Variants in SMKR1 observed in about 807,000 individuals in gnomAD.
SMKR1 encodes the protein small lysine-rich protein 1.
A neutral mutation model predicts 4.0 loss-of-function variants in SMKR1; 4 were observed. The ratio of observed to expected loss-of-function variants is 1.00; its 90% confidence interval spans 0.49 to 2.30. The LOEUF (loss-of-function observed/expected upper bound fraction) is 2.30, where lower values mean the gene tolerates loss of function less well. Among genes scored for constraint, SMKR1 ranks in the 30% most tolerant of loss-of-function variants. SMKR1 has a pLI of 0.02. For synonymous variants in SMKR1, 38 were observed against 32.5 expected, an observed-to-expected ratio of 1.17 and a Z score of -0.58; for missense variants, 56 against 81.8, an observed-to-expected ratio of 0.68 and a Z score of 1.22.
intron 1 of SMKR1, among the ~76,000 whole-genome samples, chr7:129,510,446 G>A (rs1205417073): frequency 6.6e-6 from 1 of 152,212 alleles, no homozygotes; most frequent in East Asian, 1.9e-4. Context: ...TAAAGATGAT[G>A]GCACAGGCCG....
At chr7:129,507,878 C>T (rs567525443) in intron 1 of SMKR1, among the ~76,000 whole-genome samples, 55 of 152,188 alleles carry the variant, frequency 3.6e-4, no homozygotes, top group Middle Eastern at 3.4e-3. Flanking sequence ...CTTACTGTGG[C>T]GTTTTGAGAG....
At chr7:129,506,251 G>GC (rs1799464247) in intron 1 of SMKR1, among the ~76,000 whole-genome samples, 1 of 152,206 alleles carries the variant, frequency 6.6e-6, no homozygotes, top group African/African-American at 2.4e-5. Context: ...ACCTGCTTGG[G>GC]CACCATAATG....
chr7:129,508,744 G>A (rs1322492453), intron 1 of SMKR1, among the ~76,000 whole-genome samples: 3 of 152,038 alleles, frequency 2.0e-5, no homozygotes, highest in South Asian at 2.1e-4. Flanking sequence ...GCACACAGCC[G>A]GTTCTTTTTT....
Position 129,512,324 on chromosome 7 carries a change from C to T in SMKR1, c.81C>T (p.Leu27=), listed in dbSNP as rs745637297. ...KKQKKPEVDI[L]SPAAMLNLYY... is the part of the protein sequence containing the mutation. ...AGAAGAAACCAGAAGTGGACATTCT[C>T]AGCCCCGCGGCCATGCTGAACCTCT... Residue 27 remains leucine (L), a synonymous_variant, in exon 2 of 2, where the codon CTC becomes CTT. Coordinates refer to ENST00000462322, the MANE Select transcript of SMKR1 (RefSeq NM_001195243.2). The T allele has an allele frequency of 3.8e-5, 58 of 1,535,854 alleles. No individual in the cohort carries two copies. The South Asian group carries it at 4.8e-4, about 13-fold the overall frequency.
At chr7:129,505,778 T>C (rs1480662138) in intron 1 of SMKR1, among the ~76,000 whole-genome samples, 1 of 152,128 alleles carries the variant, frequency 6.6e-6, no homozygotes, top group Non-Finnish European at 1.5e-5. Context: ...ATGCCCAGCC[T>C]GTCAAGGAGG....
chr7:129,502,951 A>C, intron 1 of SMKR1, 124 bp downstream of exon 1: 1 of 1,390,108 alleles, frequency 7.2e-7, no homozygotes, highest in Non-Finnish European at 9.7e-7. Context: ...ACGCGTGGCG[A>C]AAAGATGGAG....
intron 1 of SMKR1, among the ~76,000 whole-genome samples, chr7:129,508,337 T>G (rs2151028017): frequency 6.6e-6 from 1 of 152,374 alleles, no homozygotes; most frequent in African/African-American, 2.4e-5. Context: ...TTCTGTCCCA[T>G]TGTTCTAGTT....
chr7:129,502,905 C>G, intron 1 of SMKR1, 78 bp downstream of exon 1: 2 of 1,525,500 alleles, frequency 1.3e-6, no homozygotes, highest in Non-Finnish European at 1.8e-6. Flanking sequence ...GAGGCGCGGG[C>G]GCCGAGGTCA....
intron 1 of SMKR1, among the ~76,000 whole-genome samples, chr7:129,508,674 C>T (rs1418554920): frequency 1.3e-5 from 2 of 152,128 alleles, no homozygotes; most frequent in Non-Finnish European, 2.9e-5. Flanking sequence ...AAACTCCTGA[C>T]CTCAGGTGAT....
rs144807800 is a variant in SMKR1, at chr7:129,503,572, C to A, written c.3+745C>A. ...CCCCTTGCGCCTTCCCTGTCTTGAT[C>A]CGTTTTCTTTGAGGCTTGGATCAGA... On this transcript the variant is annotated intron_variant, in intron 1 of 1. Coordinates refer to ENST00000462322, the MANE Select transcript of SMKR1 (RefSeq NM_001195243.2). Among the ~76,000 whole-genome samples, 1,289 of 152,318 alleles carry A rather than the reference C, an allele frequency of 8.5e-3. 13 individuals carry two copies. The highest frequency in any genetic ancestry group is 0.02 in the Admixed American group (309 of 15,294).
At position 129,509,137 on chromosome 7, in the gene SMKR1, A is replaced by G. The variant is rs545201565; in HGVS notation, c.4-3110A>G. 4.0e-5 allele frequency among the ~76,000 whole-genome samples: 6 copies of G among 151,656 alleles called. No individual in the cohort carries two copies. In the East Asian group the frequency reaches 1.2e-3, roughly 30 times the overall value. On this transcript the variant is annotated intron_variant, in intron 1 of 1. Coordinates refer to ENST00000462322, the MANE Select transcript of SMKR1 (RefSeq NM_001195243.2). ...AGACCAGCCTGGCCAACATGGCGAA[A>G]CCCCGTCTCTACTAAAAATACAAAA...
intron 1 of SMKR1, among the ~76,000 whole-genome samples, chr7:129,509,454 A>G (rs947667947): frequency 1.3e-5 from 2 of 152,226 alleles, no homozygotes; most frequent in Admixed American, 6.5e-5. Flanking sequence ...CAGAGAAGCC[A>G]GGCCACTGCA....
In SMKR1 at chr7:129,502,708, C is replaced by G; in HGVS notation, c.-117C>G. 6.8e-7 allele frequency: 1 copy of G among 1,471,236 alleles called. No individual in the cohort carries two copies. Among genetic ancestry groups the G allele is most frequent in the Non-Finnish European group, 9.2e-7 (1 of 1,091,728 alleles). 91.1% of individuals were successfully genotyped at this position (1,471,236 alleles called of 1,614,324 possible). ...CCCGTGGCGGTTCCCTGAGGAGGGC[C>G]GAGAAGGGGCCGGGGGTGCTAGGGG... On this transcript the variant is annotated 5_prime_UTR_variant, in exon 1 of 2. Coordinates refer to ENST00000462322, the MANE Select transcript of SMKR1 (RefSeq NM_001195243.2).
At chr7:129,507,051 T>C (rs953434474) in intron 1 of SMKR1, among the ~76,000 whole-genome samples, 4 of 151,412 alleles carry the variant, frequency 2.6e-5, no homozygotes, top group African/African-American at 9.7e-5. Context: ...AGTCTCACTC[T>C]GTTGCCCAGG....
chr7:129,512,116 G>A (rs1799532962), intron 1 of SMKR1, 131 bp from the exon 2 acceptor site: 2 of 850,538 alleles, frequency 2.4e-6, no homozygotes, highest in Admixed American at 6.8e-5. Context: ...CACGGGAGGT[G>A]GAGGTTGTAG....
At chr7:129,503,181 C>G (rs923605486) in intron 1 of SMKR1, among the ~76,000 whole-genome samples, 2 of 151,744 alleles carry the variant, frequency 1.3e-5, no homozygotes, top group Non-Finnish European at 2.9e-5. Flanking sequence ...GCCGTAGCCA[C>G]CCTGGGTGCC....
chr7:129,505,448 T>C (rs1000405462), intron 1 of SMKR1, among the ~76,000 whole-genome samples: 1 of 152,008 alleles, frequency 6.6e-6, no homozygotes, highest in Non-Finnish European at 1.5e-5. Flanking sequence ...AATATAGACA[T>C]GGTGTCAGGG....
At position 129,508,602 on chromosome 7, in the gene SMKR1, C is replaced by T. The variant is rs186163292; in HGVS notation, c.4-3645C>T. On this transcript the variant is annotated intron_variant, in intron 1 of 1. Transcript: ENST00000462322. ...AATTACTGGTGCCCGCCACCACACTCGGCTAATTGTTGTATTTTTTTAATA... is the reference window on the plus strand; with the variant it reads ...AATTACTGGTGCCCGCCACCACACTTGGCTAATTGTTGTATTTTTTTAATA... 7.9e-5 allele frequency among the ~76,000 whole-genome samples: 12 copies of T among 152,192 alleles called. No individual in the cohort carries two copies. The East Asian group carries it at 2.3e-3, about 29-fold the overall frequency.
intron 1 of SMKR1, among the ~76,000 whole-genome samples, chr7:129,504,928 C>T (rs1409113877): frequency 2.0e-5 from 3 of 152,224 alleles, no homozygotes; most frequent in Non-Finnish European, 4.4e-5. Context: ...CCTCAGACCT[C>T]ACTGGACTGT....
Sources: allele counts gnomAD v4.1 joint callset (sites outside exome capture counted in the v4.1 genomes callset), GRCh38; gene constraint gnomAD v4.1.1; transcripts MANE v1.5; gene names NCBI Gene and HGNC (gene_info 2026-07-23, HGNC 2026-07-21).